The following MAOA variants were observed in gnomAD, a reference collection of about 807,000 sequenced individuals.
MAOA encodes amine oxidase [flavin-containing] A.
MAOA carries 6 observed loss-of-function variants against 42.0 expected under a neutral mutation model. The ratio of observed to expected loss-of-function variants is 0.14; its 90% confidence interval spans 0.08 to 0.28. MAOA has a LOEUF of 0.28. Among genes scored for constraint, MAOA ranks in the 10% least tolerant of loss-of-function variants. MAOA has a pLI of 1.00. For synonymous variants in MAOA, 140 were observed against 154.0 expected, an observed-to-expected ratio of 0.91 and a Z score of 0.67; for missense variants, 262 against 422.3, an observed-to-expected ratio of 0.62 and a Z score of 3.33.
intron 3 of MAOA, among the ~76,000 whole-genome samples, chrX:43,711,592 A>G (rs1014284718): frequency 3.6e-5 from 4 of 112,027 alleles, no homozygotes; most frequent in Non-Finnish European, 5.6e-5. Context: ...ACCTTTATTT[A>G]TGCATAATTT....
At chrX:43,719,643 G>A (rs1200786439) in intron 5 of MAOA, among the ~76,000 whole-genome samples, 1 of 111,129 alleles carries the variant, frequency 9.0e-6, no homozygotes, top group Non-Finnish European at 1.9e-5. Context: ...TGTTGCATTG[G>A]AGATGGTATC....
At chrX:43,694,047 C>G (rs2033558758) in intron 3 of MAOA, among the ~76,000 whole-genome samples, 1 of 111,533 alleles carries the variant, frequency 9.0e-6, no homozygotes, top group South Asian at 3.8e-4. Context: ...AAACTCTAGC[C>G]ACTGATTTCC....
intron 3 of MAOA, among the ~76,000 whole-genome samples, chrX:43,696,768 C>A (rs1037589131): frequency 5.1e-4 from 56 of 110,260 alleles, no homozygotes; most frequent in African/African-American, 1.8e-3. Context: ...GAATAAAAAA[C>A]AACCAAACAA....
intron 10 of MAOA, among the ~76,000 whole-genome samples, chrX:43,739,021 T>G (rs981430615): frequency 1.8e-5 from 2 of 111,420 alleles, no homozygotes; most frequent in Admixed American, 9.5e-5. Context: ...GAACAAATAT[T>G]TATTGAGTAC....
At chrX:43,674,676 T>C (rs1353155153) in intron 1 of MAOA, among the ~76,000 whole-genome samples, 1 of 111,344 alleles carries the variant, frequency 9.0e-6, no homozygotes. Context: ...TGATTGTTTG[T>C]AAAGTATTTT....
At chrX:43,672,228 G>A (rs1269583353) in intron 1 of MAOA, among the ~76,000 whole-genome samples, 2 of 111,467 alleles carry the variant, frequency 1.8e-5, no homozygotes, top group African/African-American at 6.5e-5. Context: ...GTTCACTCGT[G>A]ATTTGGCTCT....
At chrX:43,691,355 T>C (rs1243344592) in intron 2 of MAOA, among the ~76,000 whole-genome samples, 1 of 106,016 alleles carries the variant, frequency 9.4e-6, no homozygotes, top group Non-Finnish European at 1.9e-5. Flanking sequence ...GCCTGACTGA[T>C]AGAGTAAGAC....
At position 43,736,241 on chromosome X, in the gene MAOA, G is replaced by T; in HGVS notation, c.1067G>T (p.Arg356Leu). Residue 356 changes from arginine to leucine, a missense_variant, in exon 10 of 15, where the codon CGG becomes CTG. Arg to Leu is a moderately radical substitution (Grantham distance 102). Coordinates refer to ENST00000338702, the MANE Select transcript of MAOA (RefSeq NM_000240.4). ...TCTCTCTCCAGCTTCATTCTTGCCC[G>T]GAAAGCTGATCGACTTGCTAAGCTA... ...LPAIMGFILARKADRLAKLHK... is the reference protein window; with the variant it reads ...LPAIMGFILALKADRLAKLHK... 8.4e-7 allele frequency: 1 copy of T among 1,196,827 alleles called. No homozygotes were observed. The highest frequency in any genetic ancestry group is 1.8e-5 in the South Asian group (1 of 56,248).
intron 13 of MAOA, 47 bp from the exon 14 acceptor site, chrX:43,744,062 G>T: frequency 4.2e-6 from 5 of 1,196,681 alleles, no homozygotes; most frequent in Non-Finnish European, 5.7e-6. Flanking sequence ...TGAATCTGTA[G>T]AAACTATACA....
intron 5 of MAOA, among the ~76,000 whole-genome samples, chrX:43,715,800 T>C (rs2033738407): frequency 9.2e-6 from 1 of 108,164 alleles, no homozygotes; most frequent in African/African-American, 3.4e-5. Flanking sequence ...GTGGATACTG[T>C]GTTTGTAGGG....
intron 1 of MAOA, among the ~76,000 whole-genome samples, chrX:43,679,330 CT>C (rs2147078958): frequency 9.2e-6 from 1 of 108,921 alleles, no homozygotes; most frequent in Admixed American, 1.0e-4. Context: ...ATTATTGGCA[CT>C]GAAATCCATT....
intron 3 of MAOA, among the ~76,000 whole-genome samples, chrX:43,710,812 G>T (rs890638400): frequency 6.3e-5 from 7 of 111,756 alleles, no homozygotes; most frequent in African/African-American, 2.3e-4. Flanking sequence ...TAGAGGTCTT[G>T]GTACCAAGCA....
chrX:43,676,379 CT>C (rs1271348644), intron 1 of MAOA, among the ~76,000 whole-genome samples: 1 of 111,946 alleles, frequency 8.9e-6, no homozygotes, highest in Admixed American at 9.5e-5. Flanking sequence ...AGGGAACTCC[CT>C]GACCCCTTGC....
chrX:43,706,828 A>T (rs1406014885), intron 3 of MAOA, among the ~76,000 whole-genome samples: 1 of 109,274 alleles, frequency 9.2e-6, no homozygotes, highest in Non-Finnish European at 1.9e-5. Context: ...AACAAATAAA[A>T]CCCTTCATTA....
chrX:43,691,750 C>T (rs781010963), intron 2 of MAOA, among the ~76,000 whole-genome samples: 7 of 111,139 alleles, frequency 6.3e-5, no homozygotes, highest in Non-Finnish European at 1.1e-4. Flanking sequence ...ATTAGCAGTA[C>T]TGTAATGCAA....
chrX:43,660,262 CTA>C (rs1464198827), intron 1 of MAOA, among the ~76,000 whole-genome samples: 1 of 111,546 alleles, frequency 9.0e-6, no homozygotes, highest in Non-Finnish European at 1.9e-5. Flanking sequence ...ACCCCTGAAG[CTA>C]CCTGGTTATG....
At chrX:43,699,719 G>A (rs1343074563) in intron 3 of MAOA, among the ~76,000 whole-genome samples, 1 of 110,203 alleles carries the variant, frequency 9.1e-6, no homozygotes, top group Non-Finnish European at 1.9e-5. Context: ...GCCAACGACT[G>A]AAATCAAAGG....
At chrX:43,735,458 T>C (rs1261081302) in intron 9 of MAOA, among the ~76,000 whole-genome samples, 1 of 112,025 alleles carries the variant, frequency 8.9e-6, no homozygotes, top group Non-Finnish European at 1.9e-5. Context: ...AGGTTATAAC[T>C]GAGTTTTATT....
At chrX:43,711,287 T>C (rs1018417042) in intron 3 of MAOA, among the ~76,000 whole-genome samples, 1 of 112,119 alleles carries the variant, frequency 8.9e-6, no homozygotes, top group Non-Finnish European at 1.9e-5. Flanking sequence ...GAAAGGGGAA[T>C]GGATGCTCGG....
Sources: gnomAD v4.1 joint callset for allele counts (sites outside exome capture counted in the v4.1 genomes callset) on GRCh38, gnomAD v4.1.1 for gene constraint, MANE v1.5 for transcripts, NCBI Gene and HGNC (gene_info 2026-07-23, HGNC 2026-07-21) for gene names.